Variants in RP1 observed in about 807,000 individuals in gnomAD.
RP1 encodes the protein RP1 axonemal microtubule associated, also known as oxygen-regulated protein 1.
RP1 carries 16 observed loss-of-function variants against 14.8 expected under a neutral mutation model. That is an observed-to-expected ratio of 1.08 (90% CI 0.73 to 1.65). The LOEUF (loss-of-function observed/expected upper bound fraction) is 1.65. Among genes scored for constraint, RP1 ranks in the 40% most tolerant of loss-of-function variants. RP1 has a pLI of 0.00. For missense variants in RP1, 2,631 were observed against 2,535.0 expected, an observed-to-expected ratio of 1.04 and a Z score of -0.81; for synonymous variants, 876 against 883.6, an observed-to-expected ratio of 0.99 and a Z score of 0.15.
exon 29 of RP1, chr8:54,871,170 C>T (rs1812581577): frequency 6.7e-6 from 1 of 149,192 alleles, no homozygotes; most frequent in African/African-American, 2.4e-5. Context: ...CATGAAATCA[C>T]TGATTTAATA....
chr8:54,635,816 G>A (rs1266789429), downstream of RP1, among the ~76,000 whole-genome samples: 1 of 152,122 alleles, frequency 6.6e-6, no homozygotes, highest in Admixed American at 6.6e-5. Flanking sequence ...GGAGGGAAGA[G>A]GGGAACTTAT....
intron 1 of RP1, among the ~76,000 whole-genome samples, chr8:54,602,499 A>G (rs62514585): frequency 0.24 from 36,075 of 151,646 alleles, 4,522 homozygotes; most frequent in Non-Finnish European, 0.26. Context: ...ATAAACATAC[A>G]TGTGTATGTG....
At chr8:54,870,374 CT>C (rs1339663654) in exon 29 of RP1, 1 of 153,544 alleles carries the variant, frequency 6.5e-6, no homozygotes, top group Non-Finnish European at 1.4e-5. Flanking sequence ...ATGAAAAACA[CT>C]TTTATGCAAC....
chr8:54,679,551 AG>A (rs1269145599), intron 10 of RP1: 11 of 1,535,774 alleles, frequency 7.2e-6, no homozygotes, highest in Middle Eastern at 3.3e-4. Context: ...GACTGGAGAA[AG>A]CATGACACTT....
chr8:54,606,402 C>T (rs571243469), intron 1 of RP1, among the ~76,000 whole-genome samples: 7,202 of 149,830 alleles, frequency 0.048, 622 homozygotes, highest in African/African-American at 0.17. Flanking sequence ...GGGTTTCTGC[C>T]GAGAGATCTG....
chr8:54,626,964 C>T lies in RP1; in HGVS notation c.3082C>T (p.Gln1028Ter). The part of the protein sequence containing the change: ...VPLHEHCTLS[Q>*]SAINDHNTKS... ...CCTGCATGAACACTGTACTTTGTCA[C>T]AGTCAGCTATTAATGATCATAATAC... The change falls in exon 4 of 4, where the codon CAG becomes TAG. Residue 1028 changes from glutamine to a stop codon, truncating the protein, a stop_gained. Coordinates refer to ENST00000220676, the MANE Select transcript of RP1 (RefSeq NM_006269.2). LOFTEE classifies it low-confidence loss of function (END_TRUNC). The T allele has an allele frequency of 6.2e-7, 1 of 1,613,984 alleles. No individual in the cohort carries two copies. The highest frequency in any genetic ancestry group is 8.5e-7 in the Non-Finnish European group (1 of 1,179,976).
intron 25 of RP1, among the ~76,000 whole-genome samples, chr8:54,840,393 C>T (rs1278847803): frequency 6.6e-6 from 1 of 151,932 alleles, no homozygotes; most frequent in Admixed American, 6.5e-5. Flanking sequence ...GCTGGGATTA[C>T]AGGTGTGAGC....
rs145297510 is a variant in RP1, at chr8:54,630,205, T to G, written c.6323T>G (p.Ile2108Ser). The change falls in exon 4 of 4, where the codon ATT becomes AGT. Residue 2108 changes from isoleucine to serine, a missense_variant. Physicochemically the swap from Ile to Ser is moderately radical, Grantham distance 142. Transcript: ENST00000220676. ...CTTGGTCAAGCTTGCCTCTTAGATA[T>G]TTGCCAAGTTGAGACCTCCTTAAAT... ...EMLGQACLLD[I>S]CQVETSLNIS... 87 of 1,613,706 alleles carry G rather than the reference T, an allele frequency of 5.4e-5. 2 individuals carry two copies. In the African/African-American group the frequency reaches 8.3e-4, roughly 15 times the overall value.
At chr8:54,718,733 G>T (rs1808464912) in intron 15 of RP1, among the ~76,000 whole-genome samples, 1 of 152,152 alleles carries the variant, frequency 6.6e-6, no homozygotes, top group African/African-American at 2.4e-5. Flanking sequence ...CAAGAAGCCA[G>T]TATGATAAGA....
At chr8:54,775,121 A>AACTC (rs2129377074) in intron 23 of RP1, among the ~76,000 whole-genome samples, 1 of 152,244 alleles carries the variant, frequency 6.6e-6, no homozygotes, top group East Asian at 1.9e-4. Flanking sequence ...CCAAGGGGCA[A>AACTC]ACTCACCCAC....
rs764196570 is a variant in RP1 at position 54,621,344 on chromosome 8, C to T, written c.378C>T (p.Pro126=). The T allele has an allele frequency of 2.5e-6, 4 of 1,611,788 alleles. No individual in the cohort carries two copies. In the South Asian group the frequency reaches 4.4e-5, roughly 18 times the overall value. ...ACAAAGCCCGTCGGCGCCCGCGGCC[C>T]TGGCTCAGCAGCCGGGCCATTAGCG... is the stretch of plus-strand genomic sequence containing the variant. ...DLDKARRRPR[P]WLSSRAISAH... The change falls in exon 2 of 4, where the codon CCC becomes CCT. Residue 126 remains proline, a synonymous_variant. Transcript: ENST00000220676.
chr8:54,772,283 T>G (rs1296437533), downstream of RP1, among the ~76,000 whole-genome samples: 1 of 152,090 alleles, frequency 6.6e-6, no homozygotes. Flanking sequence ...TTGTTATCAG[T>G]GCCTTTGGCA....
intron 6 of RP1, among the ~76,000 whole-genome samples, chr8:54,662,795 A>G (rs769110457): frequency 1.3e-5 from 2 of 152,052 alleles, no homozygotes; most frequent in Non-Finnish European, 2.9e-5. Context: ...CTTCTTCCCC[A>G]TTCCTCCTGC....
At chr8:54,582,783 G>C (rs1170279126) in intron 1 of RP1, among the ~76,000 whole-genome samples, 3 of 152,128 alleles carry the variant, frequency 2.0e-5, no homozygotes, top group Non-Finnish European at 2.9e-5. Flanking sequence ...TGGGAGTTCA[G>C]TCATGACTTG....
chr8:54,599,529 G>A (rs567299078), intron 1 of RP1, among the ~76,000 whole-genome samples: 1 of 151,796 alleles, frequency 6.6e-6, no homozygotes, highest in Admixed American at 6.6e-5. Flanking sequence ...CACCGTCTCG[G>A]CTCACTGCAA....
At chr8:54,726,739 A>T (rs1808664689) in intron 17 of RP1, among the ~76,000 whole-genome samples, 1 of 151,588 alleles carries the variant, frequency 6.6e-6, no homozygotes, top group East Asian at 1.9e-4. Flanking sequence ...ATTAAATTAT[A>T]ACATCAATTG....
chr8:54,814,519 G>A (rs1811087673), intron 24 of RP1, among the ~76,000 whole-genome samples: 1 of 152,118 alleles, frequency 6.6e-6, no homozygotes, highest in Non-Finnish European at 1.5e-5. Flanking sequence ...TGTTTTCTTA[G>A]AGTTCACTGA....
chr8:54,760,361 A>G (rs1809609672), intron 22 of RP1, among the ~76,000 whole-genome samples: 2 of 152,164 alleles, frequency 1.3e-5, no homozygotes, highest in Admixed American at 6.5e-5. Flanking sequence ...ACAACTTCCA[A>G]GCTAGCCCTT....
chr8:54,867,532 G>A (rs1408375033), intron 28 of RP1, among the ~76,000 whole-genome samples: 1 of 152,164 alleles, frequency 6.6e-6, no homozygotes. Flanking sequence ...TAAAATGGCA[G>A]TAATGACACC....
Sources: gnomAD v4.1 joint callset for allele counts (sites outside exome capture counted in the v4.1 genomes callset) on GRCh38, gnomAD v4.1.1 for gene constraint, MANE v1.5 for transcripts, NCBI Gene and HGNC (gene_info 2026-07-23, HGNC 2026-07-21) for gene names.